Variants in FRMD5 observed in about 807,000 individuals in gnomAD.
The protein encoded by FRMD5 is FERM domain containing 5.
A neutral mutation model predicts 69.0 loss-of-function variants in FRMD5; 20 were observed. That is an observed-to-expected ratio of 0.29 (90% CI 0.20 to 0.42). The LOEUF is 0.42. Among genes scored for constraint, FRMD5 ranks in the 10% least tolerant of loss-of-function variants. The probability of loss-of-function intolerance (pLI) is 1.00; values close to 1 mark genes in which losing one functional copy is unlikely to be tolerated. For synonymous variants in FRMD5, 271 were observed against 260.1 expected (o/e 1.04, Z -0.40); for missense variants, 595 against 708.6 (o/e 0.84, Z 1.82).
chr15:43,916,074 T>C (rs944273313), intron 4 of FRMD5, among the ~76,000 whole-genome samples: 1 of 152,070 alleles, frequency 6.6e-6, no homozygotes, highest in Admixed American at 6.6e-5. Flanking sequence ...CTCCTGACAA[T>C]GCTGGAAAAC....
At chr15:44,028,068 A>C (rs2140275385) in intron 1 of FRMD5, among the ~76,000 whole-genome samples, 1 of 152,282 alleles carries the variant, frequency 6.6e-6, no homozygotes, top group Admixed American at 6.5e-5. Flanking sequence ...TACTCCTCTC[A>C]TAGGAGGTGT....
At chr15:43,940,777 G>A (rs1019110583) in intron 1 of FRMD5, among the ~76,000 whole-genome samples, 2 of 152,124 alleles carry the variant, frequency 1.3e-5, no homozygotes, top group African/African-American at 2.4e-5. Context: ...TTTGAAGAGG[G>A]GCGTGAATGA....
chr15:44,134,170 G>GA (rs56134779), intron 1 of FRMD5, among the ~76,000 whole-genome samples: 30,698 of 151,680 alleles, frequency 0.2, 3,406 homozygotes, highest in South Asian at 0.37. Flanking sequence ...CCAGGCTGGA[G>GA]AGTGCAGTGG....
At chr15:43,969,674 C>T (rs981812452) in intron 1 of FRMD5, among the ~76,000 whole-genome samples, 3 of 152,192 alleles carry the variant, frequency 2.0e-5, no homozygotes, top group Admixed American at 1.3e-4. Flanking sequence ...TTTTAAACAT[C>T]TTAGCCAATA....
intron 1 of FRMD5, among the ~76,000 whole-genome samples, chr15:44,171,858 G>C (rs1468050788): frequency 6.6e-6 from 1 of 152,166 alleles, no homozygotes; most frequent in Non-Finnish European, 1.5e-5. Context: ...CTGTCTCCCG[G>C]GTTCAAATGA....
chr15:44,027,666 T>A (rs1349627080), intron 1 of FRMD5, among the ~76,000 whole-genome samples: 40 of 149,218 alleles, frequency 2.7e-4, no homozygotes, highest in African/African-American at 9.9e-4. Context: ...TTTTTTTTTT[T>A]CCGAGACAGA....
chr15:44,121,640 G>A (rs2140660895), intron 1 of FRMD5, among the ~76,000 whole-genome samples: 1 of 151,444 alleles, frequency 6.6e-6, no homozygotes, highest in East Asian at 1.9e-4. Context: ...GGCTTTAAAG[G>A]GGAAACTTAC....
At chr15:44,012,761 GT>G (rs35690752) in intron 1 of FRMD5, among the ~76,000 whole-genome samples, 1,474 of 120,828 alleles carry the variant, frequency 0.012, 2 homozygotes, top group Middle Eastern at 0.044. Context: ...AAGTTATTGG[GT>G]TTTTTTTTTT....
At chr15:44,185,668 C>T (rs1436439754) in intron 1 of FRMD5, among the ~76,000 whole-genome samples, 1 of 151,934 alleles carries the variant, frequency 6.6e-6, no homozygotes, top group Non-Finnish European at 1.5e-5. Context: ...TGGTGCATGC[C>T]TGTAATCCCA....
In FRMD5 at chr15:43,902,251, G is replaced by T; in HGVS notation, c.563C>A (p.Pro188Gln). The change falls in exon 7 of 14, where the codon CCA (proline) becomes CAA (glutamine). Residue 188 changes from proline (P) to glutamine (Q), a missense_variant. Physicochemically the swap from Pro to Gln is moderately conservative, Grantham distance 76 (BLOSUM62 -1). Transcript: ENST00000417257. ...IHKTELSGQT[P>Q]ATSELNFLRK... ...TAAGAAGTTCAGCTCTGATGTTGCT[G>T]GTGTTTGACCACTGGAATAAAGAAG... 1 of 1,613,724 alleles carries T rather than the reference G, an allele frequency of 6.2e-7. No homozygotes were observed. The highest frequency in any genetic ancestry group is 8.5e-7 in the Non-Finnish European group (1 of 1,179,626).
intron 1 of FRMD5, among the ~76,000 whole-genome samples, chr15:44,142,195 T>C (rs2077284213): frequency 6.6e-6 from 1 of 152,226 alleles, no homozygotes; most frequent in Non-Finnish European, 1.5e-5. Context: ...TAATTAATAC[T>C]GATCCACTTA....
chr15:43,906,594 GTTC>G (rs1267626242), intron 5 of FRMD5, among the ~76,000 whole-genome samples: 1 of 151,988 alleles, frequency 6.6e-6, no homozygotes, highest in Non-Finnish European at 1.5e-5. Context: ...GAAGCATCAA[GTTC>G]TTTTTTTTTG....
chr15:43,920,362 T>C (rs1197093518), intron 2 of FRMD5, among the ~76,000 whole-genome samples: 1 of 152,194 alleles, frequency 6.6e-6, no homozygotes, highest in Non-Finnish European at 1.5e-5. Flanking sequence ...TGCCAACCCT[T>C]GTGTTAGAAA....
intron 1 of FRMD5, among the ~76,000 whole-genome samples, chr15:44,161,392 C>T (rs777026364): frequency 6.6e-6 from 1 of 152,118 alleles, no homozygotes; most frequent in African/African-American, 2.4e-5. Context: ...AATCATAAGC[C>T]TCTTTAGGAT....
chr15:44,114,479 C>T (rs547936807), intron 1 of FRMD5, among the ~76,000 whole-genome samples: 4 of 152,280 alleles, frequency 2.6e-5, no homozygotes, highest in Admixed American at 2.0e-4. Flanking sequence ...CACTATGAGG[C>T]TCTGTAGGTA....
intron 1 of FRMD5, among the ~76,000 whole-genome samples, chr15:44,167,257 A>G (rs2077725638): frequency 6.6e-6 from 1 of 152,106 alleles, no homozygotes; most frequent in African/African-American, 2.4e-5. Flanking sequence ...AGTCCCAGCT[A>G]CTTAGGAGGC....
chr15:43,987,674 C>T (rs1489633729), intron 1 of FRMD5, among the ~76,000 whole-genome samples: 2 of 152,058 alleles, frequency 1.3e-5, no homozygotes, highest in African/African-American at 4.8e-5. Context: ...CTCAGCCTCC[C>T]AAGTAGCTGG....
At chr15:44,021,403 C>A (rs770831472) in intron 1 of FRMD5, among the ~76,000 whole-genome samples, 4 of 152,106 alleles carry the variant, frequency 2.6e-5, no homozygotes, top group Non-Finnish European at 5.9e-5. Flanking sequence ...ATGCATATAG[C>A]TGATAAGGGA....
chr15:44,098,535 A>AG, intron 1 of FRMD5, among the ~76,000 whole-genome samples: 1 of 132,760 alleles, frequency 7.5e-6, no homozygotes, highest in East Asian at 2.4e-4. Flanking sequence ...AAAAAAAAAA[A>AG]AAAAGAGAGA....
Sources: gnomAD v4.1 joint callset for allele counts (sites outside exome capture counted in the v4.1 genomes callset) on GRCh38, gnomAD v4.1.1 for gene constraint, MANE v1.5 for transcripts, NCBI Gene and HGNC (gene_info 2026-07-23, HGNC 2026-07-21) for gene names.